The following SCN9A variants were observed in gnomAD, a reference collection of about 807,000 sequenced individuals.
SCN9A encodes sodium voltage-gated channel alpha subunit 9, also known as sodium channel protein type 9 subunit alpha.
A neutral mutation model predicts 187.0 loss-of-function variants in SCN9A; 131 were observed. The observed-to-expected ratio is 0.70, with a 90% confidence interval of 0.61 to 0.81. SCN9A has a LOEUF of 0.81. Ranked by LOEUF, SCN9A falls within the 30% of genes least tolerant of loss-of-function variation. The pLI, the probability that SCN9A is intolerant of heterozygous loss-of-function variation, is 0.00. For synonymous variants in SCN9A, 809 were observed against 808.6 expected (o/e 1.00, Z -0.01); for missense variants, 2,252 against 2,396.6 (o/e 0.94, Z 1.26).
chr2:166,331,224 T>C (rs1424296737), intron 1 of SCN9A, among the ~76,000 whole-genome samples: 2 of 152,204 alleles, frequency 1.3e-5, no homozygotes. Flanking sequence ...TTACTTTGTA[T>C]CAATTTTGTA....
At chr2:166,364,508 A>G (rs1163809021) in intron 1 of SCN9A, among the ~76,000 whole-genome samples, 1 of 152,184 alleles carries the variant, frequency 6.6e-6, no homozygotes, top group Admixed American at 6.5e-5. Flanking sequence ...AAAAATGAAT[A>G]AAATTCTGAT....
chr2:166,316,587 C>G (rs1001928861), intron 1 of SCN9A, among the ~76,000 whole-genome samples: 1 of 152,110 alleles, frequency 6.6e-6, no homozygotes, highest in East Asian at 1.9e-4. Flanking sequence ...CCCAGCTGCT[C>G]GGGAGGCTGA....
intron 20 of SCN9A, among the ~76,000 whole-genome samples, chr2:166,235,365 C>A (rs1012260359): frequency 6.6e-6 from 1 of 151,994 alleles, no homozygotes; most frequent in Non-Finnish European, 1.5e-5. Context: ...TACAAATATA[C>A]GCCTGTACTG....
At chr2:166,237,127 T>C (rs1361115399) in intron 20 of SCN9A, among the ~76,000 whole-genome samples, 3 of 151,862 alleles carry the variant, frequency 2.0e-5, no homozygotes, top group Admixed American at 6.6e-5. Context: ...AGATTGAGGT[T>C]ATAAAATAAT....
intron 1 of SCN9A, among the ~76,000 whole-genome samples, chr2:166,349,122 C>T (rs1037542246): frequency 7.8e-6 from 1 of 129,012 alleles, no homozygotes; most frequent in African/African-American, 3.1e-5. Context: ...AGCAAAACTC[C>T]GTCAAAACAA....
At chr2:166,351,865 C>A (rs1481194232) in intron 1 of SCN9A, among the ~76,000 whole-genome samples, 1 of 152,050 alleles carries the variant, frequency 6.6e-6, no homozygotes, top group Non-Finnish European at 1.5e-5. Context: ...CATCATCAAC[C>A]TGATACCATC....
intron 26 of SCN9A, among the ~76,000 whole-genome samples, chr2:166,202,413 A>G (rs1693584205): frequency 1.0e-5 from 1 of 95,758 alleles, no homozygotes; most frequent in Non-Finnish European, 2.3e-5. Flanking sequence ...ATATTTGAAC[A>G]GTTTTATTTA....
chr2:166,311,050 A>C (rs6432898), intron 2 of SCN9A, among the ~76,000 whole-genome samples: 1 of 82,958 alleles, frequency 1.2e-5, no homozygotes, highest in East Asian at 3.3e-4. Context: ...TGAACAATGA[A>C]ATCACATGGA....
At chr2:166,361,253 T>C (rs1434095898) in intron 1 of SCN9A, among the ~76,000 whole-genome samples, 2 of 152,184 alleles carry the variant, frequency 1.3e-5, no homozygotes, top group African/African-American at 2.4e-5. Flanking sequence ...TCTAAGTTGA[T>C]TTTGTATACC....
intron 17 of SCN9A, among the ~76,000 whole-genome samples, chr2:166,264,607 G>T (rs976239269): frequency 6.6e-6 from 1 of 151,876 alleles, no homozygotes; most frequent in Non-Finnish European, 1.5e-5. Context: ...AAAATATTTT[G>T]ATTTGATTCT....
chr2:166,298,129 C>A (rs749325304), intron 7 of SCN9A, among the ~76,000 whole-genome samples: 5 of 152,168 alleles, frequency 3.3e-5, no homozygotes, highest in Non-Finnish European at 7.4e-5. Context: ...GGGCAGAGGG[C>A]CTGCACATGA....
At chr2:166,277,411 T>C (rs951603005) in intron 15 of SCN9A, 72 bp from the exon 16 acceptor site, 1 of 1,019,838 alleles carries the variant, frequency 9.8e-7, no homozygotes, top group Non-Finnish European at 1.5e-6. Flanking sequence ...TTGATTTTTG[T>C]TCAAAGGGTA....
chr2:166,346,172 C>T (rs1411079236), intron 1 of SCN9A, among the ~76,000 whole-genome samples: 1 of 152,120 alleles, frequency 6.6e-6, no homozygotes, highest in Non-Finnish European at 1.5e-5. Context: ...CAGTGATGCC[C>T]TACCACTATC....
chr2:166,269,670 C>T lies in SCN9A; in HGVS notation c.3351+2729G>A, dbSNP rs181570777. On this transcript the variant is annotated intron_variant, in intron 17 of 26. Transcript: ENST00000642356. Reference sequence around the variant, plus strand: ...CTAAATGGAAAGTTCTATAAGGTTCCCTTAAAAATGTTGCAACTCAACATA... The same window carrying T: ...CTAAATGGAAAGTTCTATAAGGTTCTCTTAAAAATGTTGCAACTCAACATA... Among the ~76,000 whole-genome samples the T allele has an allele frequency of 3.9e-5, 6 of 152,010 alleles. No homozygotes were observed. In the East Asian group the frequency reaches 1.2e-3, roughly 29 times the overall value.
At chr2:166,317,039 G>T (rs1360896028) in intron 1 of SCN9A, among the ~76,000 whole-genome samples, 1 of 151,762 alleles carries the variant, frequency 6.6e-6, no homozygotes, top group Non-Finnish European at 1.5e-5. Context: ...TGGAATCCAG[G>T]TTATACACAC....
Position 166,238,104 on chromosome 2 carries a change from A to G in SCN9A, c.3791T>C (p.Leu1264Pro). The G allele has an allele frequency of 1.2e-6, 2 of 1,610,184 alleles. No individual in the cohort carries two copies. Among genetic ancestry groups the G allele is most frequent in the Non-Finnish European group, 1.7e-6 (2 of 1,177,814 alleles). ...CTCAAAAGTACCTACATCAACAATT[A>G]GGAAATCCAGCCAACACCAGGCATT... Reference protein sequence around the residue: ...FTNAWCWLDFLIVDVSLVTLV... With the variant: ...FTNAWCWLDFPIVDVSLVTLV... The change falls in exon 20 of 27, where the codon CTA becomes CCA. Residue 1264 changes from leucine to proline, a missense_variant. Physicochemically the swap from Leu to Pro is moderately conservative, Grantham distance 98. This residue lies in a region of SCN9A where 368 missense variants were observed against 408.6 expected (regional missense o/e 0.90). Coordinates refer to ENST00000642356, the MANE Select transcript of SCN9A (RefSeq NM_001365536.1).
chr2:166,361,456 C>T (rs891469242), intron 1 of SCN9A, among the ~76,000 whole-genome samples: 1 of 152,126 alleles, frequency 6.6e-6, no homozygotes, highest in African/African-American at 2.4e-5. Context: ...ATGCCACACA[C>T]AGCCATTTTA....
At chr2:166,203,447 G>T (rs1693641690) in intron 26 of SCN9A, among the ~76,000 whole-genome samples, 1 of 151,898 alleles carries the variant, frequency 6.6e-6, no homozygotes, top group Non-Finnish European at 1.5e-5. Context: ...GTTGAGGAAT[G>T]ATTGGCATTT....
intron 1 of SCN9A, among the ~76,000 whole-genome samples, chr2:166,357,720 A>G (rs1559061099): frequency 6.6e-6 from 1 of 151,692 alleles, no homozygotes; most frequent in Admixed American, 6.6e-5. Flanking sequence ...CAATTTCCTC[A>G]CTCCTCACTA....
Sources: allele counts gnomAD v4.1 joint callset (sites outside exome capture counted in the v4.1 genomes callset), GRCh38; gene constraint gnomAD v4.1.1; regional missense constraint gnomAD v4.1.1; transcripts MANE v1.5; gene names NCBI Gene and HGNC (gene_info 2026-07-23, HGNC 2026-07-21).